Variants in NXPE2 observed in about 807,000 individuals in gnomAD.
NXPE2 encodes NXPE family member 2.
Under a neutral mutation model 34.4 loss-of-function variants are expected in NXPE2, and 34 were observed. The ratio of observed to expected loss-of-function variants is 0.99; its 90% CI spans 0.75 to 1.31. The LOEUF is 1.31. Among genes scored for constraint, NXPE2 ranks in the 40% most tolerant of loss-of-function variants. The pLI, the probability that NXPE2 is intolerant of heterozygous loss-of-function variation, is 0.00. For missense variants in NXPE2, 649 were observed against 672.5 expected, an observed-to-expected ratio of 0.97 and a Z score of 0.39; for synonymous variants, 235 against 231.3, an observed-to-expected ratio of 1.02 and a Z score of -0.15.
chr11:114,489,527 T>A, the NXPE2 span, among the ~76,000 whole-genome samples: 1 of 152,210 alleles, frequency 6.6e-6, no homozygotes, highest in Non-Finnish European at 1.5e-5. Flanking sequence ...GTGGGCTTCA[T>A]CCCTGGGATG....
upstream of NXPE2, chr11:114,678,378 T>C: frequency 2.1e-6 from 1 of 476,086 alleles, no homozygotes; most frequent in South Asian, 3.1e-5. Context: ...TCCTTCTGGC[T>C]CTGTGGTGTG....
At position 114,705,926 on chromosome 11, in the gene NXPE2, A is replaced by C. The variant is rs1459524181; in HGVS notation, c.1074A>C (p.Arg358Ser). 2.9e-5 allele frequency: 45 copies of C among 1,541,690 alleles called. No individual in the cohort carries two copies. Among genetic ancestry groups the C allele is most frequent in the Admixed American group, 1.8e-4 (9 of 48,690 alleles). ...AAAATATAAATGACTGCTTGGAAAG[A>C]AAACTTATTTATCTCATGGGAGATT... ...ETKNINDCLE[R>S]KLIYLMGDST... The change falls in exon 5 of 6, where the codon AGA becomes AGC. Residue 358 changes from arginine (R) to serine (S), a missense_variant. Coordinates refer to ENST00000389586, the MANE Select transcript of NXPE2 (RefSeq NM_182495.6).
At chr11:114,532,544 A>G in the NXPE2 span, among the ~76,000 whole-genome samples, 1 of 152,088 alleles carries the variant, frequency 6.6e-6, no homozygotes, top group Non-Finnish European at 1.5e-5. Flanking sequence ...AGATGCTTTT[A>G]TTGGTGAGTA....
chr11:114,624,700 T>C, the NXPE2 span, among the ~76,000 whole-genome samples: 1 of 151,944 alleles, frequency 6.6e-6, no homozygotes, highest in African/African-American at 2.4e-5. Context: ...GCCTCTAGGG[T>C]AACCACTGTC....
chr11:114,768,353 C>A, the NXPE2 span, among the ~76,000 whole-genome samples: 1 of 152,078 alleles, frequency 6.6e-6, no homozygotes, highest in Non-Finnish European at 1.5e-5. Context: ...AAGATGCCTC[C>A]AGCTTTGTTC....
At chr11:114,807,779 T>C in the NXPE2 span, among the ~76,000 whole-genome samples, 1 of 151,752 alleles carries the variant, frequency 6.6e-6, no homozygotes, top group East Asian at 1.9e-4. Flanking sequence ...ATTAGACAGA[T>C]CAAACGAGAC....
At chr11:114,702,706 G>A (rs1951388960) in intron 3 of NXPE2, among the ~76,000 whole-genome samples, 1 of 152,050 alleles carries the variant, frequency 6.6e-6, no homozygotes, top group Non-Finnish European at 1.5e-5. Context: ...AGTCAGAACG[G>A]GATTCCCAGT....
chr11:114,657,970 G>T, the NXPE2 span, among the ~76,000 whole-genome samples: 1 of 152,066 alleles, frequency 6.6e-6, no homozygotes, highest in Non-Finnish European at 1.5e-5. Flanking sequence ...TTAGTTTATT[G>T]AACCAACTAA....
the NXPE2 span, among the ~76,000 whole-genome samples, chr11:114,598,261 A>G: frequency 3.2e-5 from 1 of 31,424 alleles, no homozygotes; most frequent in Non-Finnish European, 6.8e-5. Flanking sequence ...TGGGCTCCCA[A>G]GGACCTGGGC....
the NXPE2 span, among the ~76,000 whole-genome samples, chr11:114,624,376 T>C: frequency 1.3e-5 from 2 of 150,894 alleles, no homozygotes; most frequent in Admixed American, 6.6e-5. Context: ...AACCACTGTT[T>C]CCCGTTCAAT....
chr11:114,692,659 G>A (rs1479421480), intron 2 of NXPE2, among the ~76,000 whole-genome samples: 2 of 152,126 alleles, frequency 1.3e-5, no homozygotes, highest in African/African-American at 4.8e-5. Context: ...AGCCTCTCAC[G>A]CTCAGTCAGT....
chr11:114,570,167 G>A, the NXPE2 span, among the ~76,000 whole-genome samples: 1 of 152,170 alleles, frequency 6.6e-6, no homozygotes, highest in African/African-American at 2.4e-5. Context: ...CTGGACCTAT[G>A]TACGGCTGAG....
the NXPE2 span, among the ~76,000 whole-genome samples, chr11:114,776,282 G>A: frequency 6.6e-6 from 1 of 152,234 alleles, no homozygotes; most frequent in Non-Finnish European, 1.5e-5. Flanking sequence ...AACAACCTGC[G>A]GGTTGCTATT....
the NXPE2 span, among the ~76,000 whole-genome samples, chr11:114,794,427 C>T: frequency 2.6e-5 from 4 of 152,186 alleles, no homozygotes; most frequent in African/African-American, 4.8e-5. Flanking sequence ...TCCAGATCAT[C>T]TTGTGGCATG....
chr11:114,548,118 CA>C, the NXPE2 span, among the ~76,000 whole-genome samples: 3 of 151,878 alleles, frequency 2.0e-5, no homozygotes, highest in Admixed American at 1.3e-4. Flanking sequence ...ACCATATATG[CA>C]AAAGGATAAT....
At chr11:114,797,110 C>T in the NXPE2 span, among the ~76,000 whole-genome samples, 1 of 152,156 alleles carries the variant, frequency 6.6e-6, no homozygotes, top group Non-Finnish European at 1.5e-5. Flanking sequence ...GACTGGTATT[C>T]AGTATCGCAT....
At chr11:114,544,113 G>T in the NXPE2 span, among the ~76,000 whole-genome samples, 2 of 152,170 alleles carry the variant, frequency 1.3e-5, no homozygotes, top group Non-Finnish European at 2.9e-5. Context: ...GAGATTCCAT[G>T]TTCATGGATT....
At chr11:114,698,858 C>G in intron 3 of NXPE2, 80 bp downstream of exon 3, 2 of 1,305,790 alleles carry the variant, frequency 1.5e-6, no homozygotes, top group East Asian at 2.5e-5. Context: ...CCTAATCAAA[C>G]TTTTGTATCA....
chr11:114,649,580 T>TA, the NXPE2 span, among the ~76,000 whole-genome samples: 1 of 152,132 alleles, frequency 6.6e-6, no homozygotes, highest in South Asian at 2.1e-4. Flanking sequence ...GGCAACTAGG[T>TA]AAAAAACATC....
Sources: gnomAD v4.1 joint callset for allele counts (sites outside exome capture counted in the v4.1 genomes callset) on GRCh38, gnomAD v4.1.1 for gene constraint, MANE v1.5 for transcripts, NCBI Gene and HGNC (gene_info 2026-07-23, HGNC 2026-07-21) for gene names.